SNTG1: variants seen among roughly 807,000 people sequenced by gnomAD.
SNTG1 encodes the protein gamma-1-syntrophin.
A neutral mutation model predicts 74.7 loss-of-function variants in SNTG1; 39 were observed. That is an observed-to-expected ratio of 0.52 (90% CI 0.40 to 0.68). The LOEUF (loss-of-function observed/expected upper bound fraction) is 0.68. Ranked by LOEUF, SNTG1 falls within the 30% of genes least tolerant of loss-of-function variation. SNTG1 has a pLI of 0.00. For missense variants in SNTG1, 685 were observed against 609.5 expected (o/e 1.12, Z -1.30); for synonymous variants, 254 against 217.1 (o/e 1.17, Z -1.49).
intron 2 of SNTG1, 64 bp from the exon 3 acceptor site, chr8:50,394,148 T>G: frequency 2.3e-6 from 3 of 1,312,236 alleles, no homozygotes; most frequent in Non-Finnish European, 3.2e-6. Context: ...TCCTCCACTA[T>G]ATTAGTGTTC....
intron 1 of SNTG1, among the ~76,000 whole-genome samples, chr8:49,937,109 A>G (rs966341909): frequency 6.6e-6 from 1 of 152,228 alleles, no homozygotes; most frequent in Non-Finnish European, 1.5e-5. Flanking sequence ...AGATAGCGCC[A>G]CTGCACTCCA....
intron 15 of SNTG1, among the ~76,000 whole-genome samples, chr8:50,691,933 A>C (rs1457968182): frequency 6.6e-6 from 1 of 152,082 alleles, no homozygotes; most frequent in Non-Finnish European, 1.5e-5. Flanking sequence ...TGTTTCTTGG[A>C]GGCTTTGTTC....
intron 2 of SNTG1, among the ~76,000 whole-genome samples, chr8:50,304,330 A>G (rs2089783479): frequency 6.6e-6 from 1 of 152,122 alleles, no homozygotes; most frequent in African/African-American, 2.4e-5. Context: ...AGCCAAACAA[A>G]CTTCTTTTCT....
At chr8:50,561,676 A>G (rs1489850814) in intron 12 of SNTG1, among the ~76,000 whole-genome samples, 1 of 152,206 alleles carries the variant, frequency 6.6e-6, no homozygotes, top group Non-Finnish European at 1.5e-5. Flanking sequence ...TAGAGACACA[A>G]AATGGTTAAG....
At chr8:50,695,669 T>C (rs528700613) in intron 15 of SNTG1, among the ~76,000 whole-genome samples, 1 of 151,800 alleles carries the variant, frequency 6.6e-6, no homozygotes, top group Admixed American at 6.6e-5. Context: ...TTCCATTCTA[T>C]ATGTCCAGGC....
At chr8:50,357,858 A>G (rs1242907726) in intron 2 of SNTG1, among the ~76,000 whole-genome samples, 1 of 152,212 alleles carries the variant, frequency 6.6e-6, no homozygotes, top group African/African-American at 2.4e-5. Flanking sequence ...TCACCTGTAA[A>G]TAACTGCTAG....
At chr8:50,376,756 T>TATATATATATATATATATAG (rs1381048539) in intron 2 of SNTG1, among the ~76,000 whole-genome samples, 8 of 89,960 alleles carry the variant, frequency 8.9e-5, no homozygotes, top group Non-Finnish European at 1.1e-4. Flanking sequence ...TATATATATA[T>TATATATATATATATATATAG]AGAGAGAGAG....
intron 13 of SNTG1, among the ~76,000 whole-genome samples, chr8:50,654,576 C>A (rs888875771): frequency 2.6e-5 from 4 of 152,014 alleles, no homozygotes; most frequent in Admixed American, 2.6e-4. Flanking sequence ...TGTTTTTATT[C>A]TTCATGTTAT....
intron 12 of SNTG1, among the ~76,000 whole-genome samples, chr8:50,563,261 G>A (rs2094498159): frequency 6.6e-6 from 1 of 152,136 alleles, no homozygotes; most frequent in South Asian, 2.1e-4. Context: ...CAAATAAGAA[G>A]TGAATGAATG....
Position 50,708,960 on chromosome 8 carries a change from C to T in SNTG1, c.1266C>T (p.Cys422=), listed in dbSNP as rs1241641595. The part of the protein sequence containing the change: ...LTIDFSTGFI[C]FDAATKAVLW... ...TTGATTTCAGCACAGGATTTATCTG[C>T]TTTGATGCTGCAACAAAGGTAATGT... is the stretch of plus-strand genomic sequence containing the variant. The change falls in exon 17 of 19, where the codon TGC becomes TGT. Residue 422 remains cysteine (C), a synonymous_variant. Coordinates refer to ENST00000642720, the MANE Select transcript of SNTG1 (RefSeq NM_018967.5). 4 of 1,613,340 alleles carry T rather than the reference C, an allele frequency of 2.5e-6. No homozygotes were observed. In the Admixed American group the frequency reaches 5.0e-5, roughly 20 times the overall value.
chr8:50,187,435 A>G (rs2083424480), intron 2 of SNTG1, among the ~76,000 whole-genome samples: 1 of 152,174 alleles, frequency 6.6e-6, no homozygotes, highest in Non-Finnish European at 1.5e-5. Flanking sequence ...CCTATTTAAG[A>G]AATGGTTCTG....
Position 50,404,307 on chromosome 8 carries a change from T to C in SNTG1, c.162+1963T>C, listed in dbSNP as rs896076486. On this transcript the variant is annotated intron_variant, in intron 4 of 18. Transcript: ENST00000642720. ...AACAAATAAATGGAGAAATACAACA[T>C]GATCATAAATTAAAAGCTAAGTATT... 2.6e-5 allele frequency among the ~76,000 whole-genome samples: 4 copies of C among 152,212 alleles called. No homozygotes were observed. In the East Asian group the frequency reaches 5.8e-4, roughly 22 times the overall value.
At chr8:50,676,633 A>G (rs1009883519) in intron 15 of SNTG1, among the ~76,000 whole-genome samples, 2 of 151,682 alleles carry the variant, frequency 1.3e-5, no homozygotes, top group East Asian at 3.9e-4. Flanking sequence ...ATCTAGTGAC[A>G]CCTATTTATT....
chr8:50,778,923 G>A (rs925831164), intron 18 of SNTG1, among the ~76,000 whole-genome samples: 12 of 152,030 alleles, frequency 7.9e-5, no homozygotes, highest in African/African-American at 2.7e-4. Flanking sequence ...TCCACATATC[G>A]CTAGCCAGTT....
At chr8:49,998,391 T>A (rs1814434027) in intron 1 of SNTG1, among the ~76,000 whole-genome samples, 1 of 152,152 alleles carries the variant, frequency 6.6e-6, no homozygotes, top group Non-Finnish European at 1.5e-5. Context: ...TCTTCAATAA[T>A]AAACCTTAGC....
At chr8:50,582,763 A>G (rs2094619349) in intron 12 of SNTG1, among the ~76,000 whole-genome samples, 1 of 152,172 alleles carries the variant, frequency 6.6e-6, no homozygotes, top group Non-Finnish European at 1.5e-5. Context: ...TATTTTAATG[A>G]ATGTCCTTTT....
At chr8:50,186,271 T>C (rs1000269481) in intron 2 of SNTG1, among the ~76,000 whole-genome samples, 4 of 152,188 alleles carry the variant, frequency 2.6e-5, no homozygotes, top group Admixed American at 2.6e-4. Flanking sequence ...TTAGGTAGGC[T>C]CCATGTCTTT....
chr8:50,072,232 G>A (rs1033807209), intron 1 of SNTG1, among the ~76,000 whole-genome samples: 1 of 152,120 alleles, frequency 6.6e-6, no homozygotes, highest in African/African-American at 2.4e-5. Context: ...ATAGCTAGAG[G>A]AAAAATAGTA....
chr8:50,271,875 G>C (rs2087797668), intron 2 of SNTG1, among the ~76,000 whole-genome samples: 1 of 152,296 alleles, frequency 6.6e-6, no homozygotes, highest in Admixed American at 6.5e-5. Flanking sequence ...GGATTAGGAG[G>C]TGGAGCCTTT....
Sources: allele counts gnomAD v4.1 joint callset (sites outside exome capture counted in the v4.1 genomes callset), GRCh38; gene constraint gnomAD v4.1.1; transcripts MANE v1.5; gene names NCBI Gene and HGNC (gene_info 2026-07-23, HGNC 2026-07-21).